Variants in SPAG17 observed in about 807,000 individuals in gnomAD.
The protein encoded by SPAG17 is sperm associated antigen 17, also known as sperm-associated antigen 17.
In SPAG17, 169 loss-of-function variants were observed where a neutral mutation model predicts 273.6. The observed-to-expected ratio is 0.62, with a 90% confidence interval of 0.55 to 0.70. SPAG17 has a LOEUF of 0.70. Ranked by LOEUF, SPAG17 falls within the 30% of genes least tolerant of loss-of-function variation. The probability of loss-of-function intolerance (pLI) is 0.00; values close to 1 mark genes in which losing one functional copy is unlikely to be tolerated. For missense variants in SPAG17, 2,557 were observed against 2,627.8 expected (o/e 0.97, Z 0.59); for synonymous variants, 825 against 873.2 (o/e 0.94, Z 0.97).
rs768614245 is a variant in SPAG17 at position 118,005,487 on chromosome 1, G to C, written c.4703C>G (p.Ala1568Gly). The C allele has an allele frequency of 6.2e-6, 10 of 1,613,514 alleles. No individual in the cohort carries two copies. In the South Asian group the frequency reaches 1.1e-4, roughly 18 times the overall value. Reference sequence around the variant, plus strand: ...AGTATGCCTCATGATGTACCTGCCAGCTCGCAGCTGCTCACGCTTTTGAAA... The same window carrying C: ...AGTATGCCTCATGATGTACCTGCCACCTCGCAGCTGCTCACGCTTTTGAAA... ...YPFQKREQLR[A>G]GRYIMRHTSE... is the part of the protein sequence containing the mutation. Residue 1568 changes from alanine (A) to glycine (G), a missense_variant, in exon 32 of 49, where the codon GCT (alanine) becomes GGT (glycine). Coordinates refer to ENST00000336338, the MANE Select transcript of SPAG17 (RefSeq NM_206996.4).
At chr1:117,989,451 A>G (rs1656818447) in intron 38 of SPAG17, among the ~76,000 whole-genome samples, 1 of 152,044 alleles carries the variant, frequency 6.6e-6, no homozygotes, top group Non-Finnish European at 1.5e-5. Flanking sequence ...GGCAACTAAT[A>G]GAGTGGGAAT....
chr1:117,971,187 A>C (rs781723219), intron 45 of SPAG17, among the ~76,000 whole-genome samples: 13 of 152,206 alleles, frequency 8.5e-5, no homozygotes, highest in Non-Finnish European at 1.6e-4. Flanking sequence ...ACCCATGCTT[A>C]TGTTTAATTC....
chr1:118,059,633 G>T (rs771446377), intron 18 of SPAG17, among the ~76,000 whole-genome samples: 1 of 151,820 alleles, frequency 6.6e-6, no homozygotes, highest in East Asian at 1.9e-4. Context: ...ATTTACAATT[G>T]GTCTATCTCC....
intron 43 of SPAG17, among the ~76,000 whole-genome samples, chr1:117,979,902 G>T (rs757711716): frequency 7.9e-5 from 12 of 152,054 alleles, no homozygotes; most frequent in Non-Finnish European, 1.5e-4. Flanking sequence ...ATGGAATGTT[G>T]CCCCTCTCCC....
chr1:118,008,093 G>A lies in SPAG17; in HGVS notation c.4538C>T (p.Thr1513Ile). The A allele has an allele frequency of 6.2e-7, 1 of 1,613,994 alleles. No homozygotes were observed. Among genetic ancestry groups the A allele is most frequent in the Non-Finnish European group, 8.5e-7 (1 of 1,179,966 alleles). ...ANCEDSSCCA[T>I]FGDGTTIIAK... ...AATAATAGTTGTTCCATCTCCAAAGGTGGCACAGCAGCTACTGTCCTCACA... is the reference window on the plus strand; with the variant it reads ...AATAATAGTTGTTCCATCTCCAAAGATGGCACAGCAGCTACTGTCCTCACA... Residue 1513 changes from threonine (T) to isoleucine (I), a missense_variant, in exon 31 of 49, where the codon ACC (threonine) becomes ATC (isoleucine). Coordinates refer to ENST00000336338, the MANE Select transcript of SPAG17 (RefSeq NM_206996.4).
intron 1 of SPAG17, among the ~76,000 whole-genome samples, chr1:118,182,179 A>G (rs1405705020): frequency 6.6e-6 from 1 of 152,204 alleles, no homozygotes; most frequent in African/African-American, 2.4e-5. Flanking sequence ...GTTAAGTAAA[A>G]ATAAGAGTCA....
intron 3 of SPAG17, among the ~76,000 whole-genome samples, chr1:118,148,328 G>A (rs1659169523): frequency 6.6e-6 from 1 of 152,122 alleles, no homozygotes; most frequent in Non-Finnish European, 1.5e-5. Flanking sequence ...TCCAAACACT[G>A]AGCAACAGCA....
chr1:118,032,063 G>T (rs1314684292), intron 24 of SPAG17, among the ~76,000 whole-genome samples, 196 bp from the exon 25 acceptor site: 1 of 152,062 alleles, frequency 6.6e-6, no homozygotes, highest in Non-Finnish European at 1.5e-5. Flanking sequence ...AAAATTTGAG[G>T]TATTTATTAC....
At chr1:117,959,267 T>C (rs754105716) in intron 48 of SPAG17, 157 of 1,594,978 alleles carry the variant, frequency 9.8e-5, no homozygotes, top group Middle Eastern at 3.4e-4. Context: ...GAAAATTTTT[T>C]AATATTTCTT....
intron 3 of SPAG17, among the ~76,000 whole-genome samples, chr1:118,125,016 C>G (rs545834939): frequency 6.6e-6 from 1 of 152,152 alleles, no homozygotes; most frequent in East Asian, 1.9e-4. Flanking sequence ...CCTTTTAGCC[C>G]AGGTTTTTAT....
At chr1:118,184,363 GCTC>G (rs1661082739) in intron 1 of SPAG17, among the ~76,000 whole-genome samples, 1 of 152,112 alleles carries the variant, frequency 6.6e-6, no homozygotes, top group Admixed American at 6.5e-5. Flanking sequence ...GAGCTATTGG[GCTC>G]CTCATTTACT....
At chr1:117,968,207 T>TGCCAGA (rs1215891794) in intron 46 of SPAG17, among the ~76,000 whole-genome samples, 84 of 152,268 alleles carry the variant, frequency 5.5e-4, no homozygotes, top group African/African-American at 1.7e-3. Flanking sequence ...ATATTTTTTT[T>TGCCAGA]GCCAGAGCCA....
At chr1:118,101,220 C>T (rs1656045783) in intron 5 of SPAG17, among the ~76,000 whole-genome samples, 1 of 152,086 alleles carries the variant, frequency 6.6e-6, no homozygotes, top group Non-Finnish European at 1.5e-5. Flanking sequence ...TTCAAGGCCA[C>T]TCTTGGCAAC....
In SPAG17 at chr1:118,141,152, G is replaced by A. The variant is rs543533050; in HGVS notation, c.315+9391C>T. Among the ~76,000 whole-genome samples, 44 of 152,202 alleles carry A rather than the reference G, an allele frequency of 2.9e-4. No homozygotes were observed. In the South Asian group the frequency reaches 3.9e-3, roughly 14 times the overall value. ...TTGTTTTGAGTTTTGCTTAATGTCC[G>A]TCTCCCCCATTCAAATGTAAATTAT... On this transcript the variant is annotated intron_variant, in intron 3 of 48. Coordinates refer to ENST00000336338, the MANE Select transcript of SPAG17 (RefSeq NM_206996.4).
intron 28 of SPAG17, among the ~76,000 whole-genome samples, chr1:118,021,618 T>C (rs994689803): frequency 2.0e-5 from 3 of 152,206 alleles, no homozygotes; most frequent in African/African-American, 7.2e-5. Flanking sequence ...ATGTTAATAA[T>C]TGGGGAAACT....
intron 1 of SPAG17, among the ~76,000 whole-genome samples, chr1:118,152,755 C>T (rs1461644447): frequency 1.3e-5 from 2 of 152,006 alleles, no homozygotes; most frequent in African/African-American, 4.8e-5. Flanking sequence ...GAAGACTGAC[C>T]ATTTATTTTT....
In SPAG17 at chr1:118,041,898, AT is replaced by A. The variant is rs746345375; in HGVS notation, c.2958del (p.Lys986AsnfsTer18). 6.2e-7 allele frequency: 1 copy of A among 1,613,652 alleles called. No individual in the cohort carries two copies. Among genetic ancestry groups the A allele is most frequent in the Non-Finnish European group, 8.5e-7 (1 of 1,179,824 alleles). ...TCTTTAGATTTCTCCTTGTAAGGTG[AT>A]TTTTTCTTCAAAGACCTACTATCCT... ...EKEDSRSLKK[K>X]SPYKEKSKEE... On this transcript the variant is annotated frameshift_variant, in exon 21 of 49. Coordinates refer to ENST00000336338, the MANE Select transcript of SPAG17 (RefSeq NM_206996.4). LOFTEE classifies it high-confidence loss of function.
At chr1:118,092,290 T>C (rs1331833593) in intron 8 of SPAG17, among the ~76,000 whole-genome samples, 1 of 152,154 alleles carries the variant, frequency 6.6e-6, no homozygotes, top group African/African-American at 2.4e-5. Flanking sequence ...TTTTCTTTTT[T>C]CCCCTGGGTG....
intron 28 of SPAG17, among the ~76,000 whole-genome samples, chr1:118,017,848 G>A (rs1013418776): frequency 3.9e-5 from 6 of 152,120 alleles, no homozygotes; most frequent in African/African-American, 1.4e-4. Context: ...AAGTATATGG[G>A]TCAACAAAGC....
Sources: gnomAD v4.1 joint callset for allele counts (sites outside exome capture counted in the v4.1 genomes callset) on GRCh38, gnomAD v4.1.1 for gene constraint, MANE v1.5 for transcripts, NCBI Gene and HGNC (gene_info 2026-07-23, HGNC 2026-07-21) for gene names.